The following LNP1 variants were observed in gnomAD, a reference collection of about 807,000 sequenced individuals.
LNP1 encodes leukemia NUP98 fusion partner 1.
Under a neutral mutation model 14.5 loss-of-function variants are expected in LNP1, and 12 were observed. The ratio of observed to expected loss-of-function variants is 0.83; its 90% CI spans 0.53 to 1.34. The LOEUF (loss-of-function observed/expected upper bound fraction) is 1.34. LNP1 is among the 40% of genes most tolerant of loss of function. The probability of loss-of-function intolerance (pLI) is 0.00; values close to 1 mark genes in which losing one functional copy is unlikely to be tolerated. For missense variants in LNP1, 198 were observed against 210.9 expected, an observed-to-expected ratio of 0.94 and a Z score of 0.38; for synonymous variants, 75 against 71.4, an observed-to-expected ratio of 1.05 and a Z score of -0.26.
At chr3:100,436,314 GGGAGTACAACGA>G (rs1269734119) in intron 2 of LNP1, among the ~76,000 whole-genome samples, 3 of 152,120 alleles carry the variant, frequency 2.0e-5, no homozygotes, top group Non-Finnish European at 4.4e-5. Flanking sequence ...ATAAAAGACA[GGGAGTACAACGA>G]GGTGCATCTG....
intron 2 of LNP1, among the ~76,000 whole-genome samples, chr3:100,450,222 T>A (rs1707425527): frequency 6.7e-6 from 1 of 148,878 alleles, no homozygotes; most frequent in South Asian, 2.1e-4. Flanking sequence ...ACTGAAACAA[T>A]AACAAAAACA....
intron 1 of LNP1, among the ~76,000 whole-genome samples, chr3:100,412,347 A>G (rs1255435793): frequency 6.6e-6 from 1 of 152,230 alleles, no homozygotes; most frequent in African/African-American, 2.4e-5. Flanking sequence ...AACACCTTCC[A>G]TTAGGCACCA....
intron 2 of LNP1, among the ~76,000 whole-genome samples, chr3:100,439,644 C>T (rs555311341): frequency 3.9e-5 from 6 of 152,240 alleles, no homozygotes; most frequent in Middle Eastern, 3.4e-3. Flanking sequence ...AGTTTTACCC[C>T]GTTCTACCTT....
chr3:100,422,759 AT>A (rs35053697), intron 1 of LNP1, among the ~76,000 whole-genome samples: 2 of 131,006 alleles, frequency 1.5e-5, no homozygotes, highest in Admixed American at 8.1e-5. Flanking sequence ...TATAACCAAT[AT>A]TTTATAGGCA....
intron 2 of LNP1, among the ~76,000 whole-genome samples, chr3:100,445,747 A>G (rs1372798909): frequency 2.0e-5 from 3 of 152,194 alleles, no homozygotes; most frequent in African/African-American, 7.2e-5. Context: ...CAACTTCAGC[A>G]AAGTCTCAGT....
intron 1 of LNP1, among the ~76,000 whole-genome samples, chr3:100,411,260 A>C (rs1707029317): frequency 1.3e-5 from 2 of 152,244 alleles, no homozygotes; most frequent in Non-Finnish European, 2.9e-5. Flanking sequence ...TTTTAGAAGC[A>C]CATGACTTGT....
At chr3:100,439,423 C>G (rs1271495730) in intron 2 of LNP1, among the ~76,000 whole-genome samples, 3 of 152,158 alleles carry the variant, frequency 2.0e-5, no homozygotes, top group Admixed American at 6.5e-5. Context: ...CTTGGTTCCT[C>G]TTGGTCCACT....
At chr3:100,446,191 T>A (rs1466476829) in intron 2 of LNP1, among the ~76,000 whole-genome samples, 1 of 152,176 alleles carries the variant, frequency 6.6e-6, no homozygotes, top group Non-Finnish European at 1.5e-5. Flanking sequence ...ACTACCTGAC[T>A]TCAAACTATA....
chr3:100,455,764 C>A lies in LNP1; in HGVS notation c.388-13C>A. The A allele has an allele frequency of 6.2e-7, 1 of 1,613,196 alleles. No homozygotes were observed. The highest frequency in any genetic ancestry group is 8.5e-7 in the Non-Finnish European group (1 of 1,179,520). On this transcript the variant is annotated splice_polypyrimidine_tract_variant and intron_variant, in intron 3 of 3. Coordinates refer to ENST00000383693, the MANE Select transcript of LNP1 (RefSeq NM_001085451.2). ...TTGTGCATTTTTACCTGTTTCTGATCTTTCCCTTTCAGGGACCTGAAAGCA... is the reference window on the plus strand; with the variant it reads ...TTGTGCATTTTTACCTGTTTCTGATATTTCCCTTTCAGGGACCTGAAAGCA...
chr3:100,415,420 T>G (rs1707073256), intron 1 of LNP1, among the ~76,000 whole-genome samples: 1 of 152,142 alleles, frequency 6.6e-6, no homozygotes, highest in African/African-American at 2.4e-5. Context: ...GAATACAAAT[T>G]AAAACAACAA....
intron 2 of LNP1, among the ~76,000 whole-genome samples, chr3:100,435,526 A>C (rs1419213587): frequency 6.6e-6 from 1 of 152,160 alleles, no homozygotes; most frequent in Non-Finnish European, 1.5e-5. Context: ...TTTTACACTA[A>C]ATGCATGCAG....
chr3:100,414,637 G>A (rs945354439), intron 1 of LNP1, among the ~76,000 whole-genome samples: 1 of 152,190 alleles, frequency 6.6e-6, no homozygotes, highest in African/African-American at 2.4e-5. Flanking sequence ...AAAGAGATTG[G>A]AAGTGAAAGA....
chr3:100,407,285 A>C (rs1706979528), intron 1 of LNP1, among the ~76,000 whole-genome samples: 1 of 152,216 alleles, frequency 6.6e-6, no homozygotes, highest in South Asian at 2.1e-4. Context: ...GGTGGTGATG[A>C]ACTCCCTCAG....
chr3:100,444,477 T>C (rs923057870), intron 2 of LNP1, among the ~76,000 whole-genome samples: 1 of 152,230 alleles, frequency 6.6e-6, no homozygotes, highest in African/African-American at 2.4e-5. Flanking sequence ...TCCTGTATAA[T>C]TGTAATACCA....
intron 1 of LNP1, among the ~76,000 whole-genome samples, chr3:100,422,688 A>G (rs920526446): frequency 6.6e-6 from 1 of 151,912 alleles, no homozygotes; most frequent in East Asian, 1.9e-4. Context: ...TATGAAGCCC[A>G]CCTTTAGCCA....
intron 2 of LNP1, among the ~76,000 whole-genome samples, chr3:100,450,089 CTTT>C (rs57762414): frequency 0.028 from 3,769 of 135,132 alleles, 64 homozygotes; most frequent in Non-Finnish European, 0.042. Flanking sequence ...CACCATACCA[CTTT>C]TTTTTTTTTT....
chr3:100,439,295 G>A (rs1372785621), intron 2 of LNP1, among the ~76,000 whole-genome samples: 1 of 151,186 alleles, frequency 6.6e-6, no homozygotes, highest in Non-Finnish European at 1.5e-5. Flanking sequence ...AAAAGGAAAA[G>A]GAAGAAAACA....
rs545804667 is a variant in LNP1, at chr3:100,406,855, A to G, written c.-34+4416A>G. Among the ~76,000 whole-genome samples the G allele has an allele frequency of 5.3e-5, 8 of 152,252 alleles. No homozygotes were observed. The East Asian group carries it at 1.4e-3, about 26-fold the overall frequency. On this transcript the variant is annotated intron_variant, in intron 1 of 3. Transcript: ENST00000383693. ...GCTGATTTTTATTTTTAGTGTATCT[A>G]TTGTCGGTTTTTGCTTCAAAAAACA...
chr3:100,435,316 C>T (rs1304884494), intron 2 of LNP1, among the ~76,000 whole-genome samples: 4 of 152,084 alleles, frequency 2.6e-5, no homozygotes, highest in South Asian at 2.1e-4. Flanking sequence ...GCTGGCCTCC[C>T]GTGTTCTTCA....
Sources: allele counts gnomAD v4.1 joint callset (sites outside exome capture counted in the v4.1 genomes callset), GRCh38; gene constraint gnomAD v4.1.1; transcripts MANE v1.5; gene names NCBI Gene and HGNC (gene_info 2026-07-23, HGNC 2026-07-21).